The following FARS2 variants were observed in gnomAD, a reference collection of about 807,000 sequenced individuals.
FARS2 encodes the protein phenylalanyl-tRNA synthetase 2, mitochondrial, also known as phenylalanine--tRNA ligase, mitochondrial.
A neutral mutation model predicts 46.4 loss-of-function variants in FARS2; 40 were observed. That is an observed-to-expected ratio of 0.86 (90% CI 0.67 to 1.12). FARS2 has a LOEUF of 1.12. Ranked by LOEUF, FARS2 falls within the 50% of genes most tolerant of loss-of-function variation. The pLI is 0.00. For missense variants in FARS2, 513 were observed against 567.9 expected (o/e 0.90, Z 0.98); for synonymous variants, 234 against 214.9 (o/e 1.09, Z -0.78).
At chr6:5,770,953 G>T (rs1206673) in intron 6 of FARS2, among the ~76,000 whole-genome samples, 124,103 of 151,996 alleles carry the variant, frequency 0.82, 51,655 homozygotes, top group East Asian at 0.99. Flanking sequence ...GTCGGGAACC[G>T]GGGACAGGCT....
intron 4 of FARS2, among the ~76,000 whole-genome samples, chr6:5,531,306 C>T (rs1041755345): frequency 9.2e-5 from 14 of 152,210 alleles, no homozygotes; most frequent in Non-Finnish European, 1.6e-4. Flanking sequence ...CCAACACTTT[C>T]TACACATTCC....
At chr6:5,596,911 T>C (rs567080580) in intron 5 of FARS2, among the ~76,000 whole-genome samples, 37 of 152,362 alleles carry the variant, frequency 2.4e-4, no homozygotes, top group African/African-American at 8.7e-4. Flanking sequence ...AAATCCAGCA[T>C]GTCTCAGAGG....
chr6:5,670,272 A>G (rs1778384296), intron 6 of FARS2, among the ~76,000 whole-genome samples: 1 of 152,210 alleles, frequency 6.6e-6, no homozygotes. Flanking sequence ...AATAAGTTAC[A>G]TCAATACTGA....
At chr6:5,622,140 C>T (rs1234343048) in intron 6 of FARS2, among the ~76,000 whole-genome samples, 1 of 152,238 alleles carries the variant, frequency 6.6e-6, no homozygotes. Flanking sequence ...GGTTAAGAAT[C>T]CATTGTCAAT....
intron 4 of FARS2, among the ~76,000 whole-genome samples, chr6:5,445,261 T>G (rs80077136): frequency 0.02 from 3,063 of 152,308 alleles, 40 homozygotes; most frequent in Non-Finnish European, 0.032. Context: ...AAACTCTTGC[T>G]TCATGGGATC....
At chr6:5,549,453 A>G (rs1391194441) in intron 5 of FARS2, among the ~76,000 whole-genome samples, 1 of 151,952 alleles carries the variant, frequency 6.6e-6, no homozygotes, top group Non-Finnish European at 1.5e-5. Context: ...GTCCTTGTGA[A>G]CTGTCACCTT....
At chr6:5,571,779 C>T (rs1341990668) in intron 5 of FARS2, among the ~76,000 whole-genome samples, 1 of 152,200 alleles carries the variant, frequency 6.6e-6, no homozygotes, top group Non-Finnish European at 1.5e-5. Flanking sequence ...CCCCTCTCAT[C>T]CCACGATCTT....
chr6:5,618,709 CT>C (rs1297739701), intron 6 of FARS2, among the ~76,000 whole-genome samples: 33 of 152,324 alleles, frequency 2.2e-4, no homozygotes, highest in African/African-American at 7.9e-4. Context: ...CATTTAGAAC[CT>C]TCTCCCAGAG....
chr6:5,761,325 C>T (rs1159475838), intron 6 of FARS2, among the ~76,000 whole-genome samples: 3 of 152,190 alleles, frequency 2.0e-5, no homozygotes, highest in Non-Finnish European at 4.4e-5. Context: ...CTTTGAGATA[C>T]ATCTTCCCCT....
At chr6:5,347,669 A>G (rs1757324048) in intron 1 of FARS2, among the ~76,000 whole-genome samples, 1 of 152,206 alleles carries the variant, frequency 6.6e-6, no homozygotes, top group African/African-American at 2.4e-5. Flanking sequence ...TTAAATACCT[A>G]GGATTAGAAT....
At chr6:5,470,361 T>C (rs1004681266) in intron 4 of FARS2, among the ~76,000 whole-genome samples, 1 of 152,230 alleles carries the variant, frequency 6.6e-6, no homozygotes, top group African/African-American at 2.4e-5. Flanking sequence ...GCAAATACTA[T>C]GCCATTTTAT....
In FARS2 at chr6:5,648,303, C is replaced by T. The variant is rs574439353; in HGVS notation, c.1217+34983C>T. On this transcript the variant is annotated intron_variant, in intron 6 of 6. Transcript: ENST00000274680. The stretch of plus-strand genomic sequence containing the variant: ...TTTCAAACTTCAGAAACAGGGCTGG[C>T]GTCTTACGTGGAGCCCTCAGTCTCT... Among the ~76,000 whole-genome samples, 12 of 152,318 alleles carry T rather than the reference C, an allele frequency of 7.9e-5. No homozygotes were observed. The East Asian group carries it at 9.6e-4, about 12-fold the overall frequency.
intron 4 of FARS2, among the ~76,000 whole-genome samples, chr6:5,432,324 A>T (rs35558542): frequency 2.7e-5 from 1 of 36,938 alleles, no homozygotes; most frequent in South Asian, 6.6e-4. Flanking sequence ...TAAAAAAAAA[A>T]AAAATATATA....
chr6:5,436,257 G>A (rs1261645421), intron 4 of FARS2, among the ~76,000 whole-genome samples: 2 of 152,098 alleles, frequency 1.3e-5, no homozygotes, highest in Non-Finnish European at 2.9e-5. Flanking sequence ...TTGCAAGGAG[G>A]GATATACTTT....
intron 3 of FARS2, among the ~76,000 whole-genome samples, chr6:5,430,713 GA>G (rs1378923617): frequency 6.6e-6 from 1 of 152,080 alleles, no homozygotes; most frequent in Non-Finnish European, 1.5e-5. Flanking sequence ...TTCATGTATA[GA>G]AACTAACAGA....
intron 6 of FARS2, among the ~76,000 whole-genome samples, chr6:5,626,214 C>T (rs1776022672): frequency 6.6e-6 from 1 of 152,100 alleles, no homozygotes; most frequent in Admixed American, 6.5e-5. Context: ...ACTCATCAGA[C>T]ACGTAGGAAA....
intron 5 of FARS2, among the ~76,000 whole-genome samples, chr6:5,593,775 C>G (rs925099154): frequency 5.3e-5 from 8 of 152,132 alleles, no homozygotes; most frequent in Non-Finnish European, 1.0e-4. Flanking sequence ...TATGGCATTT[C>G]GGGGCAGTGG....
At chr6:5,576,592 TATATG>T (rs1460403882) in intron 5 of FARS2, among the ~76,000 whole-genome samples, 1 of 147,376 alleles carries the variant, frequency 6.8e-6, no homozygotes, top group Non-Finnish European at 1.5e-5. Context: ...ATATACTCTA[TATATG>T]ATATATTATA....
chr6:5,593,341 C>T (rs1019089603), intron 5 of FARS2, among the ~76,000 whole-genome samples: 1 of 151,904 alleles, frequency 6.6e-6, no homozygotes. Context: ...CAGAGGTGCA[C>T]GGCCGTACCC....
Sources: gnomAD v4.1 joint callset for allele counts (sites outside exome capture counted in the v4.1 genomes callset) on GRCh38, gnomAD v4.1.1 for gene constraint, MANE v1.5 for transcripts, NCBI Gene and HGNC (gene_info 2026-07-23, HGNC 2026-07-21) for gene names.